Variants in CYTH3 observed in about 807,000 individuals in gnomAD.
CYTH3 encodes the protein cytohesin-3.
A neutral mutation model predicts 55.1 loss-of-function variants in CYTH3; 23 were observed. The ratio of observed to expected loss-of-function variants is 0.42; its 90% CI spans 0.30 to 0.59. The LOEUF is 0.59. Ranked by LOEUF, CYTH3 falls within the 20% of genes least tolerant of loss-of-function variation. CYTH3 has a pLI of 0.20. For synonymous variants in CYTH3, 249 were observed against 194.9 expected (o/e 1.28, Z -2.31); for missense variants, 413 against 524.8 (o/e 0.79, Z 2.08).
chr7:6,230,001 G>A (rs928827989), intron 1 of CYTH3, among the ~76,000 whole-genome samples: 23 of 151,996 alleles, frequency 1.5e-4, no homozygotes, highest in Middle Eastern at 6.3e-3. Flanking sequence ...GGGTGTGGTG[G>A]TGCACACCTG....
intron 1 of CYTH3, among the ~76,000 whole-genome samples, chr7:6,222,121 T>A (rs1197949289): frequency 6.6e-6 from 1 of 151,618 alleles, no homozygotes; most frequent in Non-Finnish European, 1.5e-5. Context: ...CAGAGCAGAG[T>A]ATGTGGCAAA....
chr7:6,179,262 C>T (rs1160751863), intron 4 of CYTH3, among the ~76,000 whole-genome samples: 1 of 152,030 alleles, frequency 6.6e-6, no homozygotes, highest in Non-Finnish European at 1.5e-5. Flanking sequence ...AAAGACGACA[C>T]GGAAGAGTAT....
chr7:6,173,743 AAAG>A lies in CYTH3; in HGVS notation c.369-13_369-11del, dbSNP rs1783261922. 6.5e-7 allele frequency: 1 copy of A among 1,549,764 alleles called. No individual in the cohort carries two copies. Among genetic ancestry groups the A allele is most frequent in the Admixed American group, 1.7e-5 (1 of 59,912 alleles). On this transcript the variant is annotated splice_polypyrimidine_tract_variant and intron_variant, in intron 5 of 12. Transcript: ENST00000350796. ...AATATTAAATTCATCCCTGGGAAAA[AAAG>A]AAGTAAGTTTCAAACCTAATGTACA...
chr7:6,236,654 G>A (rs1290245858), intron 1 of CYTH3, among the ~76,000 whole-genome samples: 1 of 151,848 alleles, frequency 6.6e-6, no homozygotes, highest in Non-Finnish European at 1.5e-5. Context: ...CACCTTCTGG[G>A]TTCAAGCAAT....
At chr7:6,211,442 T>C (rs985705204) in intron 1 of CYTH3, among the ~76,000 whole-genome samples, 2 of 152,262 alleles carry the variant, frequency 1.3e-5, no homozygotes, top group African/African-American at 4.8e-5. Context: ...ACCGGACACC[T>C]GTGCTTTGCT....
chr7:6,236,968 T>C (rs1779539768), intron 1 of CYTH3, among the ~76,000 whole-genome samples: 1 of 152,230 alleles, frequency 6.6e-6, no homozygotes. Context: ...AAGACTCTCA[T>C]GGTCAGTAGG....
chr7:6,183,381 T>C (rs1054619152), intron 4 of CYTH3, among the ~76,000 whole-genome samples: 1 of 152,224 alleles, frequency 6.6e-6, no homozygotes, highest in Non-Finnish European at 1.5e-5. Context: ...GCTTGTCATA[T>C]AGATTTATAT....
chr7:6,222,522 G>A (rs1784575061), intron 1 of CYTH3, among the ~76,000 whole-genome samples: 1 of 152,102 alleles, frequency 6.6e-6, no homozygotes, highest in Admixed American at 6.5e-5. Flanking sequence ...CAAGATGGGT[G>A]GATCACAAGT....
At position 6,259,817 on chromosome 7, in the gene CYTH3, T is replaced by TATA. The variant is rs1780296221; in HGVS notation, c.34+12654_34+12656dup. Among the ~76,000 whole-genome samples, 4 of 26,116 alleles carry TATA rather than the reference T, an allele frequency of 1.5e-4. No individual in the cohort carries two copies. In the East Asian group the frequency reaches 3.3e-3, roughly 22 times the overall value. 17.1% of individuals were successfully genotyped at this position (26,116 alleles called of 152,430 possible). Reference sequence around the variant, plus strand: ...TATATATATATATATATATATAATATATATATATATATATATTTTTTTTTT... The same window carrying TATA: ...TATATATATATATATATATATAATATATAATATATATATATATATTTTTTTTTT... On this transcript the variant is annotated intron_variant, in intron 1 of 12. Coordinates refer to ENST00000350796, the MANE Select transcript of CYTH3 (RefSeq NM_004227.4).
chr7:6,184,154 G>A (rs1461843103), intron 4 of CYTH3, among the ~76,000 whole-genome samples: 2 of 136,894 alleles, frequency 1.5e-5, no homozygotes, highest in East Asian at 2.2e-4. Context: ...TCCACCTCCC[G>A]GGTTCACGCC....
intron 1 of CYTH3, among the ~76,000 whole-genome samples, chr7:6,263,642 T>A (rs1015645403): frequency 5.3e-5 from 8 of 151,224 alleles, no homozygotes; most frequent in Non-Finnish European, 1.2e-4. Flanking sequence ...CTAAAAATAC[T>A]AAAAATTTAC....
chr7:6,190,945 C>T (rs529238813), intron 1 of CYTH3, among the ~76,000 whole-genome samples: 27 of 151,818 alleles, frequency 1.8e-4, no homozygotes, highest in South Asian at 1.7e-3. Flanking sequence ...GGTGTGGTGA[C>T]GCATGCCTGT....
Position 6,165,256 on chromosome 7 carries a change from C to G in CYTH3, c.1127+17G>C. ...ACGAGAAGACGGGCCTGGCCCCGCC[C>G]CCGAGGCCCCACTCACTTGATGGAT... On this transcript the variant is annotated intron_variant, in intron 12 of 12. Coordinates refer to ENST00000350796, the MANE Select transcript of CYTH3 (RefSeq NM_004227.4). 6.2e-7 allele frequency: 1 copy of G among 1,602,258 alleles called. No individual in the cohort carries two copies. Among genetic ancestry groups the G allele is most frequent in the Non-Finnish European group, 8.5e-7 (1 of 1,174,028 alleles).
At chr7:6,175,678 G>A (rs1427183560) in intron 5 of CYTH3, among the ~76,000 whole-genome samples, 1 of 151,410 alleles carries the variant, frequency 6.6e-6, no homozygotes, top group Non-Finnish European at 1.5e-5. Context: ...CTCCCGAGTG[G>A]CTGGGATTAT....
chr7:6,221,785 C>CA (rs1314550466), intron 1 of CYTH3, among the ~76,000 whole-genome samples: 11 of 151,844 alleles, frequency 7.2e-5, no homozygotes, highest in Non-Finnish European at 2.9e-5. Context: ...GACAGCTCTA[C>CA]AAAAAATAAA....
At chr7:6,271,434 G>C (rs1368453170) in intron 1 of CYTH3, among the ~76,000 whole-genome samples, 1 of 151,996 alleles carries the variant, frequency 6.6e-6, no homozygotes, top group Non-Finnish European at 1.5e-5. Flanking sequence ...TTATTACATG[G>C]GGTTCTGATG....
At chr7:6,237,923 G>C (rs558320783) in intron 1 of CYTH3, among the ~76,000 whole-genome samples, 2 of 152,286 alleles carry the variant, frequency 1.3e-5, no homozygotes, top group South Asian at 2.1e-4. Context: ...ACGTGTGCAA[G>C]TATCATCCTA....
intron 9 of CYTH3, among the ~76,000 whole-genome samples, chr7:6,168,963 T>A (rs1487486976): frequency 6.6e-6 from 1 of 151,034 alleles, no homozygotes; most frequent in Admixed American, 6.6e-5. Context: ...CCGGTTACAT[T>A]CCCCCCCACC....
intron 5 of CYTH3, among the ~76,000 whole-genome samples, chr7:6,174,397 G>T (rs1054520326): frequency 6.6e-6 from 1 of 152,104 alleles, no homozygotes; most frequent in African/African-American, 2.4e-5. Context: ...TTACAGGTGT[G>T]AGCCACGGCA....
Sources: gnomAD v4.1 joint callset for allele counts (sites outside exome capture counted in the v4.1 genomes callset) on GRCh38, gnomAD v4.1.1 for gene constraint, MANE v1.5 for transcripts, NCBI Gene and HGNC (gene_info 2026-07-23, HGNC 2026-07-21) for gene names.